Variants in FAM174B observed in about 807,000 individuals in gnomAD.
FAM174B encodes family with sequence similarity 174 member B.
Under a neutral mutation model 10.9 loss-of-function variants are expected in FAM174B, and 12 were observed. The observed-to-expected ratio is 1.10, with a 90% confidence interval of 0.71 to 1.79. The LOEUF (loss-of-function observed/expected upper bound fraction) is 1.79. FAM174B is among the 40% of genes most tolerant of loss of function. FAM174B has a pLI of 0.00. For synonymous variants in FAM174B, 132 were observed against 115.8 expected (o/e 1.14, Z -0.90); for missense variants, 266 against 233.3 (o/e 1.14, Z -0.91).
Position 92,618,928 on chromosome 15 carries a change from G to C in FAM174B, c.*528C>G, listed in dbSNP as rs992436956. The stretch of plus-strand genomic sequence containing the variant: ...GACCAGCTCTAAGCACATCCACCTT[G>C]AACTCTGACACAGGTAACGCCAAAA... On this transcript the variant is annotated 3_prime_UTR_variant, in exon 3 of 3. Transcript: ENST00000327355. The C allele has an allele frequency of 5.9e-6, 3 of 510,844 alleles. No individual in the cohort carries two copies. The highest frequency in any genetic ancestry group is 1.1e-5 in the Non-Finnish European group (3 of 285,190). The allele number at this position is 510,844 out of a possible 1,614,324, so 31.6% of individuals were successfully genotyped here.
chr15:92,633,380 A>C (rs557402886), intron 1 of FAM174B, among the ~76,000 whole-genome samples: 2 of 152,318 alleles, frequency 1.3e-5, no homozygotes, highest in South Asian at 4.1e-4. Context: ...CCAAAGTGTC[A>C]CGTCATGTCT....
Position 92,617,568 on chromosome 15 carries a change from G to A in FAM174B, c.*1888C>T. Reference sequence around the variant, plus strand: ...ACCAGTGGCAAGCACCTGGCAGATGGAGCCCGGGTGTTTCTGCGTAAGGCA... The same window carrying A: ...ACCAGTGGCAAGCACCTGGCAGATGAAGCCCGGGTGTTTCTGCGTAAGGCA... On this transcript the variant is annotated 3_prime_UTR_variant, in exon 3 of 3. Transcript: ENST00000327355. 5 of 545,880 alleles carry A rather than the reference G, an allele frequency of 9.2e-6. No individual in the cohort carries two copies. The highest frequency in any genetic ancestry group is 4.7e-5 in the South Asian group (2 of 42,532). The allele number at this position is 545,880 out of a possible 1,614,324, so 33.8% of individuals were successfully genotyped here. A position where few individuals can be genotyped will look rare whatever the true frequency, so the allele number is the denominator to read the frequency against.
chr15:92,648,736 G>C (rs1342595492), intron 1 of FAM174B, among the ~76,000 whole-genome samples: 1 of 152,164 alleles, frequency 6.6e-6, no homozygotes, highest in African/African-American at 2.4e-5. Flanking sequence ...GCCTACAAGA[G>C]CCCTGCCCAA....
Position 92,630,332 on chromosome 15 carries a change from AC to A in FAM174B, c.357del (p.Arg119SerfsTer2). 6.2e-7 allele frequency: 1 copy of A among 1,612,602 alleles called. No homozygotes were observed. The highest frequency in any genetic ancestry group is 8.5e-7 in the Non-Finnish European group (1 of 1,179,260). ...ATATCATACTTGCGTGTCTTCTTTAACCTCTTTCCCGACCTGCAGGAGAAGA... is the reference window on the plus strand; with the variant it reads ...ATATCATACTTGCGTGTCTTCTTTAACTCTTTCCCGACCTGCAGGAGAAGA... ...LLLRVFRSGK[R>X]LKKTRKYDII... On this transcript the variant is annotated frameshift_variant, in exon 2 of 3. Transcript: ENST00000327355. LOFTEE classifies it high-confidence loss of function.
intron 1 of FAM174B, among the ~76,000 whole-genome samples, chr15:92,650,845 C>T (rs2050961662): frequency 6.6e-6 from 1 of 152,160 alleles, no homozygotes; most frequent in African/African-American, 2.4e-5. Flanking sequence ...GTAGCAGACC[C>T]AGGGGGTTCA....
rs889363740 is a variant in FAM174B at position 92,655,612 on chromosome 15, G to C, written c.48C>G (p.Leu16=). 3 of 1,273,034 alleles carry C rather than the reference G, an allele frequency of 2.4e-6. No individual in the cohort carries two copies. The highest frequency in any genetic ancestry group is 3.0e-6 in the Non-Finnish European group (3 of 1,013,000). The allele number at this position is 1,273,034 out of a possible 1,614,324, so 78.9% of individuals were successfully genotyped here. The change falls in exon 1 of 3, where the codon CTC becomes CTG. Residue 16 remains leucine (L), a synonymous_variant. Transcript: ENST00000327355. ...GGGCGGCGGGAGCGGCCAGGAGCGCGAGCAGCAGCAGCGGCAGGAGCGGGG... is the reference window on the plus strand; with the variant it reads ...GGGCGGCGGGAGCGGCCAGGAGCGCCAGCAGCAGCAGCGGCAGGAGCGGGG... The part of the protein sequence containing the change: ...LPAPLLPLLL[L]ALLAAPAARA...
At chr15:92,622,784 G>C (rs182500417) in intron 2 of FAM174B, among the ~76,000 whole-genome samples, 3 of 152,290 alleles carry the variant, frequency 2.0e-5, no homozygotes, top group Admixed American at 2.0e-4. Context: ...ACCACCTCTG[G>C]GAAGAACTTA....
At chr15:92,634,043 G>A (rs925715469) in intron 1 of FAM174B, among the ~76,000 whole-genome samples, 15 of 152,286 alleles carry the variant, frequency 9.8e-5, no homozygotes, top group Middle Eastern at 3.4e-3. Flanking sequence ...ATCTCTCTCC[G>A]GACAAGTTGC....
chr15:92,653,541 C>T (rs1478151830), intron 1 of FAM174B, among the ~76,000 whole-genome samples: 1 of 152,220 alleles, frequency 6.6e-6, no homozygotes, highest in Non-Finnish European at 1.5e-5. Context: ...ATGGCAGGCC[C>T]GCATCGGGCA....
At chr15:92,631,848 A>C (rs955119086) in intron 1 of FAM174B, among the ~76,000 whole-genome samples, 3 of 152,120 alleles carry the variant, frequency 2.0e-5, no homozygotes, top group African/African-American at 7.2e-5. Flanking sequence ...AAAAAGCCCC[A>C]AAGATCAAGA....
chr15:92,631,999 C>T (rs1466574115), intron 1 of FAM174B, among the ~76,000 whole-genome samples: 4 of 149,698 alleles, frequency 2.7e-5, no homozygotes, highest in Non-Finnish European at 3.0e-5. Flanking sequence ...CCTGAGCTTC[C>T]ATTCCCTTAC....
At chr15:92,620,937 G>A (rs922250358) in intron 2 of FAM174B, among the ~76,000 whole-genome samples, 2 of 151,900 alleles carry the variant, frequency 1.3e-5, no homozygotes, top group African/African-American at 2.4e-5. Flanking sequence ...TTGATTATGG[G>A]CATTATATAA....
intron 1 of FAM174B, among the ~76,000 whole-genome samples, chr15:92,638,559 G>A (rs924741303): frequency 6.6e-6 from 1 of 152,174 alleles, no homozygotes; most frequent in Non-Finnish European, 1.5e-5. Flanking sequence ...GTGACAGTCA[G>A]AGCCACCAAC....
intron 1 of FAM174B, among the ~76,000 whole-genome samples, chr15:92,649,438 ATCC>A (rs1409164213): frequency 6.6e-6 from 1 of 152,242 alleles, no homozygotes; most frequent in African/African-American, 2.4e-5. Context: ...ATATGGCTGC[ATCC>A]TCATTTATGG....
chr15:92,627,068 CA>C (rs747858422), intron 2 of FAM174B: 13 of 146,866 alleles, frequency 8.9e-5, no homozygotes, highest in East Asian at 2.0e-4. Context: ...AACAAAAAAA[CA>C]AAAAAAAAAC....
intron 1 of FAM174B, among the ~76,000 whole-genome samples, chr15:92,639,582 T>C (rs1376670070): frequency 1.3e-5 from 2 of 152,144 alleles, no homozygotes; most frequent in East Asian, 1.9e-4. Flanking sequence ...CCCAACCAAA[T>C]CTCATGTTGA....
At chr15:92,637,197 C>T (rs1022022883) in intron 1 of FAM174B, among the ~76,000 whole-genome samples, 1 of 152,200 alleles carries the variant, frequency 6.6e-6, no homozygotes, top group Non-Finnish European at 1.5e-5. Context: ...GAAGGCACGA[C>T]CAACCCGAGC....
Position 92,631,420 on chromosome 15 carries a change from A to ATATATT in FAM174B, c.345-1076_345-1075insAATATA, listed in dbSNP as rs869166641. ...TTATATTATATTATATATAATATAT[A>ATATATT]ATATATAATATAATATATTATATAT... On this transcript the variant is annotated intron_variant, in intron 1 of 2. Coordinates refer to ENST00000327355, the MANE Select transcript of FAM174B (RefSeq NM_207446.3). 3.1e-4 allele frequency among the ~76,000 whole-genome samples: 14 copies of ATATATT among 45,330 alleles called. 1 individual carries two copies. Among genetic ancestry groups the ATATATT allele is most frequent in the Non-Finnish European group, 4.2e-4 (11 of 26,380 alleles). 29.7% of individuals were successfully genotyped at this position (45,330 alleles called of 152,430 possible). A position where few individuals can be genotyped will look rare whatever the true frequency, so the allele number is the denominator to read the frequency against.
chr15:92,651,795 T>C (rs1025461220), intron 1 of FAM174B, among the ~76,000 whole-genome samples: 1 of 152,248 alleles, frequency 6.6e-6, no homozygotes, highest in Non-Finnish European at 1.5e-5. Flanking sequence ...GAATATATAG[T>C]GCAGTGGAAA....
Sources: gnomAD v4.1 joint callset for allele counts (sites outside exome capture counted in the v4.1 genomes callset) on GRCh38, gnomAD v4.1.1 for gene constraint, MANE v1.5 for transcripts, NCBI Gene and HGNC (gene_info 2026-07-23, HGNC 2026-07-21) for gene names.